Variants in MYT1L observed in about 807,000 individuals in gnomAD.
MYT1L encodes the protein myelin transcription factor 1-like protein.
In MYT1L, 12 loss-of-function variants were observed where a neutral mutation model predicts 126.7. The ratio of observed to expected loss-of-function variants is 0.09; its 90% CI spans 0.06 to 0.15. MYT1L has a LOEUF of 0.15. Among genes scored for constraint, MYT1L ranks in the 10% least tolerant of loss-of-function variants. The probability of loss-of-function intolerance (pLI) is 1.00; values close to 1 mark genes in which losing one functional copy is unlikely to be tolerated. For synonymous variants in MYT1L, 541 were observed against 604.2 expected (o/e 0.90, Z 1.53); for missense variants, 979 against 1,585.2 (o/e 0.62, Z 6.49).
chr2:2,009,904 T>G (rs2063664817), intron 4 of MYT1L, among the ~76,000 whole-genome samples: 1 of 151,150 alleles, frequency 6.6e-6, no homozygotes, highest in African/African-American at 2.4e-5. Context: ...AAGAGTTTTT[T>G]TTTTTTTTTT....
chr2:2,244,359 A>C (rs2094493494), intron 2 of MYT1L, among the ~76,000 whole-genome samples: 1 of 152,200 alleles, frequency 6.6e-6, no homozygotes, highest in African/African-American at 2.4e-5. Context: ...TGAGAAGGGA[A>C]AAATAATAAT....
intron 4 of MYT1L, among the ~76,000 whole-genome samples, chr2:2,004,616 T>C (rs1196663587): frequency 6.7e-6 from 1 of 149,752 alleles, no homozygotes; most frequent in Non-Finnish European, 1.5e-5. Context: ...CAGGCATTCT[T>C]TCCTGTGTGC....
chr2:2,240,809 A>G (rs1189709688), intron 2 of MYT1L, among the ~76,000 whole-genome samples: 1 of 152,226 alleles, frequency 6.6e-6, no homozygotes, highest in Non-Finnish European at 1.5e-5. Flanking sequence ...TTAGAGGCTA[A>G]GGAGCATATT....
intron 11 of MYT1L, among the ~76,000 whole-genome samples, chr2:1,916,210 T>C (rs943044327): frequency 6.6e-6 from 1 of 152,206 alleles, no homozygotes; most frequent in Non-Finnish European, 1.5e-5. Flanking sequence ...ACTTCCTAAG[T>C]CCCAAATGCT....
At chr2:2,102,282 A>G (rs927057626) in intron 3 of MYT1L, among the ~76,000 whole-genome samples, 2 of 152,228 alleles carry the variant, frequency 1.3e-5, no homozygotes, top group Non-Finnish European at 2.9e-5. Flanking sequence ...TGATCCCTCC[A>G]AACTGTTATG....
chr2:2,072,484 A>C (rs940694746), intron 3 of MYT1L, among the ~76,000 whole-genome samples: 29 of 152,190 alleles, frequency 1.9e-4, no homozygotes, highest in African/African-American at 7.0e-4. Flanking sequence ...CTGCCAGAAA[A>C]AATGCATGAG....
chr2:1,900,809 C>T (rs572786744), intron 14 of MYT1L, among the ~76,000 whole-genome samples: 1 of 152,274 alleles, frequency 6.6e-6, no homozygotes, highest in African/African-American at 2.4e-5. Context: ...CCCTAACATT[C>T]AGCTTTCAGC....
At chr2:2,074,450 G>C (rs994331153) in intron 3 of MYT1L, among the ~76,000 whole-genome samples, 2 of 152,174 alleles carry the variant, frequency 1.3e-5, no homozygotes, top group Non-Finnish European at 2.9e-5. Flanking sequence ...ATTACAAAAG[G>C]AGTGGTAAGT....
At chr2:2,032,067 C>A (rs1478512236) in intron 4 of MYT1L, among the ~76,000 whole-genome samples, 13 of 132,344 alleles carry the variant, frequency 9.8e-5, no homozygotes, top group East Asian at 5.0e-4. Context: ...TGGCCCAGAG[C>A]AGATTCTAGA....
intron 5 of MYT1L, among the ~76,000 whole-genome samples, chr2:1,986,887 G>A (rs750279465): frequency 6.6e-6 from 1 of 152,150 alleles, no homozygotes; most frequent in Non-Finnish European, 1.5e-5. Context: ...CAATCACAGC[G>A]TGATACCTAC....
At chr2:1,897,820 T>C (rs996347439) in intron 14 of MYT1L, among the ~76,000 whole-genome samples, 4 of 152,192 alleles carry the variant, frequency 2.6e-5, no homozygotes, top group African/African-American at 9.6e-5. Flanking sequence ...AATGTGTTAA[T>C]GTTCTTCCAG....
chr2:1,944,434 G>A (rs915386573), intron 8 of MYT1L, among the ~76,000 whole-genome samples: 14 of 152,302 alleles, frequency 9.2e-5, no homozygotes, highest in Admixed American at 1.3e-4. Context: ...TATGCAGAAC[G>A]AGATGTGTGG....
chr2:1,982,706 G>A (rs533277330), intron 5 of MYT1L, among the ~76,000 whole-genome samples: 3 of 152,304 alleles, frequency 2.0e-5, no homozygotes, highest in South Asian at 2.1e-4. Flanking sequence ...GACACACTCC[G>A]AGCTTGGCTA....
At chr2:2,290,120 A>C (rs1280236956) in intron 1 of MYT1L, among the ~76,000 whole-genome samples, 1 of 152,238 alleles carries the variant, frequency 6.6e-6, no homozygotes, top group Non-Finnish European at 1.5e-5. Flanking sequence ...CACAAATTGC[A>C]GGACATGGGC....
intron 3 of MYT1L, among the ~76,000 whole-genome samples, chr2:2,133,829 C>T (rs2148054992): frequency 6.6e-6 from 1 of 152,172 alleles, no homozygotes. Flanking sequence ...TCCACTATGC[C>T]CGGGTGCTTA....
At chr2:2,275,902 G>T (rs544054914) in intron 2 of MYT1L, among the ~76,000 whole-genome samples, 1 of 152,242 alleles carries the variant, frequency 6.6e-6, no homozygotes, top group Non-Finnish European at 1.5e-5. Context: ...CCTCTGCCTG[G>T]GAAAGGCCTA....
At chr2:2,175,022 G>T (rs1363489923) in intron 2 of MYT1L, among the ~76,000 whole-genome samples, 1 of 152,094 alleles carries the variant, frequency 6.6e-6, no homozygotes, top group Non-Finnish European at 1.5e-5. Flanking sequence ...TGCTCTCCTT[G>T]TGAGGCTCAC....
intron 2 of MYT1L, among the ~76,000 whole-genome samples, chr2:2,243,154 A>G (rs2094470435): frequency 1.3e-5 from 2 of 152,180 alleles, no homozygotes; most frequent in African/African-American, 4.8e-5. Context: ...CCAAAGGAGA[A>G]ATCAGAAGTG....
At chr2:2,312,886 G>A (rs966689119) in intron 1 of MYT1L, among the ~76,000 whole-genome samples, 3 of 152,060 alleles carry the variant, frequency 2.0e-5, no homozygotes, top group Non-Finnish European at 4.4e-5. Flanking sequence ...CAAGCAGAGA[G>A]GAAGAACAGC....
Sources: allele counts gnomAD v4.1 joint callset (sites outside exome capture counted in the v4.1 genomes callset), GRCh38; gene constraint gnomAD v4.1.1; transcripts MANE v1.5; gene names NCBI Gene and HGNC (gene_info 2026-07-23, HGNC 2026-07-21).